Variants in SUGCT observed in about 807,000 individuals in gnomAD.
SUGCT encodes the protein succinyl-CoA:glutarate-CoA transferase, also known as succinyl-CoA:glutarate CoA-transferase.
Under a neutral mutation model 55.0 loss-of-function variants are expected in SUGCT, and 41 were observed. That is an observed-to-expected ratio of 0.74 (90% CI 0.58 to 0.97). SUGCT has a LOEUF of 0.97. Among genes scored for constraint, SUGCT ranks in the 50% least tolerant of loss-of-function variants. The probability of loss-of-function intolerance (pLI) is 0.00; values close to 1 mark genes in which losing one functional copy is unlikely to be tolerated. For missense variants in SUGCT, 568 were observed against 547.8 expected, an observed-to-expected ratio of 1.04 and a Z score of -0.37; for synonymous variants, 187 against 200.4, an observed-to-expected ratio of 0.93 and a Z score of 0.56.
intron 12 of SUGCT, among the ~76,000 whole-genome samples, chr7:40,655,234 C>T (rs1800960502): frequency 6.6e-6 from 1 of 151,948 alleles, no homozygotes; most frequent in Non-Finnish European, 1.5e-5. Flanking sequence ...GTCAGGCCTG[C>T]AGTGAGCCAT....
intron 12 of SUGCT, among the ~76,000 whole-genome samples, chr7:40,697,629 C>T (rs1276738344): frequency 1.3e-5 from 2 of 152,116 alleles, no homozygotes; most frequent in African/African-American, 2.4e-5. Context: ...CAGAATGAGA[C>T]TCCATCTCAA....
intron 9 of SUGCT, among the ~76,000 whole-genome samples, chr7:40,353,536 A>G (rs934618568): frequency 6.6e-6 from 1 of 152,184 alleles, no homozygotes; most frequent in Non-Finnish European, 1.5e-5. Context: ...AATACCTTTC[A>G]CGTTGAAGAT....
intron 13 of SUGCT, among the ~76,000 whole-genome samples, chr7:40,848,164 C>G (rs1793672749): frequency 6.6e-6 from 1 of 152,142 alleles, no homozygotes; most frequent in Non-Finnish European, 1.5e-5. Context: ...AAGAGGAGAC[C>G]AATTATTTCC....
At chr7:41,003,263 TC>T in the SUGCT span, among the ~76,000 whole-genome samples, 3 of 152,104 alleles carry the variant, frequency 2.0e-5, no homozygotes, top group African/African-American at 7.2e-5. Flanking sequence ...GCAAGCTTGT[TC>T]CATTTACCTT....
At chr7:40,498,914 T>G (rs1300426775) in intron 12 of SUGCT, 2 of 369,320 alleles carry the variant, frequency 5.4e-6, no homozygotes, top group Admixed American at 6.9e-5. Context: ...CTGCAAAATC[T>G]ATGCCAAGAA....
At chr7:40,893,894 C>T in the SUGCT span, among the ~76,000 whole-genome samples, 1 of 152,060 alleles carries the variant, frequency 6.6e-6, no homozygotes. Context: ...AACCCCATCT[C>T]TGCTAAAAAT....
chr7:40,309,191 C>T (rs1352370984), intron 8 of SUGCT, among the ~76,000 whole-genome samples: 1 of 152,200 alleles, frequency 6.6e-6, no homozygotes, highest in Non-Finnish European at 1.5e-5. Flanking sequence ...CTGAATGTAC[C>T]TTACCCTAGA....
intron 12 of SUGCT, among the ~76,000 whole-genome samples, chr7:40,676,141 A>G (rs1456591179): frequency 6.6e-6 from 1 of 152,232 alleles, no homozygotes; most frequent in Non-Finnish European, 1.5e-5. Context: ...TGGACTGAAC[A>G]GTGCTAGGCT....
At position 40,838,821 on chromosome 7, in the gene SUGCT, G is replaced by A. The variant is rs558708775; in HGVS notation, c.1154-21495G>A. 2.6e-5 allele frequency among the ~76,000 whole-genome samples: 4 copies of A among 152,066 alleles called. No individual in the cohort carries two copies. In the South Asian group the frequency reaches 8.3e-4, roughly 32 times the overall value. The stretch of plus-strand genomic sequence containing the variant: ...CGATGAAAGGGGACATCCTTGCCTT[G>A]TTTCTAATCTTAAAGTATATAGTCT... On this transcript the variant is annotated intron_variant, in intron 13 of 13. Transcript: ENST00000335693.
At position 40,465,938 on chromosome 7, in the gene SUGCT, G is replaced by C. The variant is rs1790083989; in HGVS notation, c.986+6740G>C. 2.0e-4 allele frequency among the ~76,000 whole-genome samples: 31 copies of C among 152,090 alleles called. 1 individual carries two copies. The highest frequency in any genetic ancestry group is 2.0e-3 in the Admixed American group (31 of 15,268). ...ACTCTGTCACCCAGGCTAGCGTGCG[G>C]TAGTGTGATCATGGTTCACTTTAGC... is the stretch of plus-strand genomic sequence containing the variant. On this transcript the variant is annotated intron_variant, in intron 11 of 13. Transcript: ENST00000335693.
rs148967854 is a variant in SUGCT at position 40,807,436 on chromosome 7, G to A, written c.1154-52880G>A. 2.1e-3 allele frequency among the ~76,000 whole-genome samples: 317 copies of A among 152,240 alleles called. 1 individual carries two copies. The highest frequency in any genetic ancestry group is 7.3e-3 in the African/African-American group (305 of 41,538). ...GGTAGAGAAGAGGTTTCCACAGCCC[G>A]TAGAGTCTGGAGGCAATTACTCAGT... On this transcript the variant is annotated intron_variant, in intron 13 of 13. Transcript: ENST00000335693.
intron 12 of SUGCT, among the ~76,000 whole-genome samples, chr7:40,665,853 A>G (rs1294290470): frequency 1.3e-5 from 2 of 152,164 alleles, no homozygotes; most frequent in Non-Finnish European, 2.9e-5. Context: ...TTATTTTTTA[A>G]TAGGTGTGCC....
chr7:40,291,176 A>T (rs1000005921), intron 8 of SUGCT, among the ~76,000 whole-genome samples: 5 of 152,132 alleles, frequency 3.3e-5, no homozygotes, highest in African/African-American at 7.2e-5. Flanking sequence ...AAGGATTATA[A>T]ATCATGCTGC....
At chr7:40,454,953 G>T (rs78981255) in intron 10 of SUGCT, among the ~76,000 whole-genome samples, 4,339 of 152,180 alleles carry the variant, frequency 0.029, 152 homozygotes, top group African/African-American at 0.075. Flanking sequence ...AAATATCTGG[G>T]TGAATATAAT....
intron 12 of SUGCT, among the ~76,000 whole-genome samples, chr7:40,590,085 T>TA (rs1247434836): frequency 6.6e-6 from 1 of 152,188 alleles, no homozygotes; most frequent in Non-Finnish European, 1.5e-5. Context: ...GTATATCTGT[T>TA]ATGGTGATTT....
chr7:40,226,473 C>A (rs1788360986), intron 6 of SUGCT, among the ~76,000 whole-genome samples: 1 of 151,564 alleles, frequency 6.6e-6, no homozygotes, highest in Non-Finnish European at 1.5e-5. Context: ...GTCTGCAAAA[C>A]AAAAAAACAC....
intron 12 of SUGCT, among the ~76,000 whole-genome samples, chr7:40,516,582 C>T (rs1345561576): frequency 1.3e-5 from 2 of 151,944 alleles, no homozygotes; most frequent in African/African-American, 4.8e-5. Flanking sequence ...TGGCACAGCA[C>T]CAGTTATTAC....
At chr7:41,017,256 G>A in the SUGCT span, among the ~76,000 whole-genome samples, 1 of 152,110 alleles carries the variant, frequency 6.6e-6, no homozygotes. Flanking sequence ...AAAGGGGCCT[G>A]GGTTATTGGA....
At chr7:40,872,487 C>T in the SUGCT span, among the ~76,000 whole-genome samples, 1 of 152,154 alleles carries the variant, frequency 6.6e-6, no homozygotes, top group Non-Finnish European at 1.5e-5. Flanking sequence ...AGTCAAATTA[C>T]AGGGAAGATC....
Sources: gnomAD v4.1 joint callset for allele counts (sites outside exome capture counted in the v4.1 genomes callset) on GRCh38, gnomAD v4.1.1 for gene constraint, MANE v1.5 for transcripts, NCBI Gene and HGNC (gene_info 2026-07-23, HGNC 2026-07-21) for gene names.